The following ERAL1 variants were observed in gnomAD, a reference collection of about 807,000 sequenced individuals.
ERAL1 encodes the protein Era like 12S mitochondrial rRNA chaperone 1.
ERAL1 carries 36 observed loss-of-function variants against 53.6 expected under a neutral mutation model. The ratio of observed to expected loss-of-function variants is 0.67; its 90% confidence interval spans 0.51 to 0.89. ERAL1 has a LOEUF of 0.89. Ranked by LOEUF, ERAL1 falls within the 40% of genes least tolerant of loss-of-function variation. ERAL1 has a pLI of 0.00. For missense variants in ERAL1, 512 were observed against 537.5 expected (o/e 0.95, Z 0.47); for synonymous variants, 215 against 211.8 (o/e 1.02, Z -0.13).
intron 8 of ERAL1, 39 bp from the exon 9 acceptor site, chr17:28,859,164 C>G (rs2039277596): frequency 6.2e-7 from 1 of 1,613,576 alleles, no homozygotes. Context: ...CACCTCTACC[C>G]AGGTGTATGA....
chr17:28,860,335 G>A, intron 9 of ERAL1, 96 bp from the exon 10 acceptor site: 1 of 1,454,410 alleles, frequency 6.9e-7, no homozygotes, highest in South Asian at 1.2e-5. Flanking sequence ...TCAAACTCCT[G>A]TGCTCAAAGG....
At chr17:28,856,161 A>C in intron 1 of ERAL1, 103 bp from the exon 2 acceptor site, 1 of 1,429,660 alleles carries the variant, frequency 7.0e-7, no homozygotes. Flanking sequence ...AACCTGGTGC[A>C]CTAATTTTGT....
At chr17:28,856,714 CTTT>C (rs372784089) in intron 3 of ERAL1, 132 bp downstream of exon 3, 1,347 of 596,066 alleles carry the variant, frequency 2.3e-3, no homozygotes, top group East Asian at 3.0e-3. Context: ...TTTTCTTTTT[CTTT>C]TTTTTTTTTT....
rs2039274452 is a variant in ERAL1, at chr17:28,858,944, T to C, written c.961-20T>C. 7 of 1,613,866 alleles carry C rather than the reference T, an allele frequency of 4.3e-6. 1 individual carries two copies. In the East Asian group the frequency reaches 1.6e-4, roughly 36 times the overall value. On this transcript the variant is annotated intron_variant, in intron 7 of 9. Transcript: ENST00000254928. ...CCTGGTTGGGATTAAGATGCCCATC[T>C]ATTCCCTCTGTTCCCACAGCAATAC... is the stretch of plus-strand genomic sequence containing the variant.
Position 28,858,354 on chromosome 17 carries a change from C to T in ERAL1, c.599-20C>T, listed in dbSNP as rs1441007325. The T allele has an allele frequency of 6.2e-7, 1 of 1,613,502 alleles. No homozygotes were observed. The highest frequency in any genetic ancestry group is 1.1e-5 in the South Asian group (1 of 91,074). ...GAGTGACCATTTCCTTTTCCTTCTT[C>T]CTGCCTTGCCATCTTCTAGTTGTGG... is the stretch of plus-strand genomic sequence containing the variant. On this transcript the variant is annotated intron_variant, in intron 5 of 9. Coordinates refer to ENST00000254928, the MANE Select transcript of ERAL1 (RefSeq NM_005702.4).
chr17:28,855,351 C>A (rs1000857312), intron 1 of ERAL1, 34 bp downstream of exon 1: 10 of 1,527,446 alleles, frequency 6.5e-6, no homozygotes, highest in African/African-American at 1.4e-5. Flanking sequence ...TCGGAACTGT[C>A]ATGTTTTTAG....
At chr17:28,857,909 G>T in intron 3 of ERAL1, 30 bp from the exon 4 acceptor site, 1 of 1,613,748 alleles carries the variant, frequency 6.2e-7, no homozygotes, top group Non-Finnish European at 8.5e-7. Context: ...TTTCTCCTGG[G>T]GTCTGGGTAT....
chr17:28,855,079 G>T lies in ERAL1; in HGVS notation c.45G>T (p.Val15=). Residue 15 remains valine (V), a synonymous_variant, in exon 1 of 10, where the codon GTG becomes GTT. Coordinates refer to ENST00000254928, the MANE Select transcript of ERAL1 (RefSeq NM_005702.4). ...GCGGGGCTAGGCTTGTTCAATCGGTGTTAAGAGTCTGGCAGGTGGGCCCTC... is the reference window on the plus strand; with the variant it reads ...GCGGGGCTAGGCTTGTTCAATCGGTTTTAAGAGTCTGGCAGGTGGGCCCTC... ...SWRGARLVQS[V]LRVWQVGPHV... 6.2e-7 allele frequency: 1 copy of T among 1,614,028 alleles called. No homozygotes were observed. Among genetic ancestry groups the T allele is most frequent in the Non-Finnish European group, 8.5e-7 (1 of 1,179,926 alleles).
chr17:28,857,209 G>A (rs2039255746), intron 3 of ERAL1, among the ~76,000 whole-genome samples: 1 of 150,588 alleles, frequency 6.6e-6, no homozygotes, highest in Non-Finnish European at 1.5e-5. Flanking sequence ...CCGGGTTTAA[G>A]CAGTTCTCCT....
At position 28,856,306 on chromosome 17, in the gene ERAL1, A is replaced by T; in HGVS notation, c.326A>T (p.Glu109Val). The T allele has an allele frequency of 6.2e-7, 1 of 1,614,176 alleles. No individual in the cohort carries two copies. The highest frequency in any genetic ancestry group is 8.5e-7 in the Non-Finnish European group (1 of 1,180,024). ...VLLVHHPDMP[E>V]NSRVLRVVLL... is the part of the protein sequence containing the mutation. ...TTGGTCCATCACCCTGATATGCCTG[A>T]GAATTCCCGGGTCCTACGAGTGGTC... The change falls in exon 2 of 10, where the codon GAG becomes GTG. Residue 109 changes from glutamate (E) to valine (V), a missense_variant. Glu to Val is a moderately radical substitution (Grantham distance 121, BLOSUM62 -2). Coordinates refer to ENST00000254928, the MANE Select transcript of ERAL1 (RefSeq NM_005702.4).
intron 7 of ERAL1, 25 bp downstream of exon 7, chr17:28,858,849 G>A (rs1188255308): frequency 6.2e-7 from 1 of 1,613,828 alleles, no homozygotes; most frequent in African/African-American, 1.3e-5. Flanking sequence ...GCCATAGCCT[G>A]GCCCTTGGTT....
At chr17:28,858,267 T>G (rs2039265559) in intron 5 of ERAL1, 60 bp downstream of exon 5, 21 of 1,610,950 alleles carry the variant, frequency 1.3e-5, no homozygotes, top group Non-Finnish European at 1.8e-5. Context: ...TTTCATTCCT[T>G]GGTAGTTTGG....
At position 28,859,013 on chromosome 17, in the gene ERAL1, C is replaced by T. The variant is rs771442717; in HGVS notation, c.1010C>T (p.Ala337Val). 1.2e-6 allele frequency: 2 copies of T among 1,614,160 alleles called. No homozygotes were observed. The highest frequency in any genetic ancestry group is 2.2e-5 in the East Asian group (1 of 44,884). ...AQPGPWEYHSAVLTSQTPEEI... is the reference protein window; with the variant it reads ...AQPGPWEYHSVVLTSQTPEEI... ...CCAGGGCCCTGGGAGTACCACAGTGCAGTCCTCACTAGCCAGACACCAGAA... is the reference window on the plus strand; with the variant it reads ...CCAGGGCCCTGGGAGTACCACAGTGTAGTCCTCACTAGCCAGACACCAGAA... The change falls in exon 8 of 10, where the codon GCA becomes GTA. Residue 337 changes from alanine to valine, a missense_variant. Transcript: ENST00000254928.
chr17:28,859,177 G>GGGT, intron 8 of ERAL1, 26 bp from the exon 9 acceptor site: 1 of 1,614,142 alleles, frequency 6.2e-7, no homozygotes, highest in Non-Finnish European at 8.5e-7. Context: ...GTGTATGACT[G>GGGT]ACTAATCATT....
rs201165120 is a variant in ERAL1, at chr17:28,856,324, G to A, written c.344G>A (p.Arg115Gln). Residue 115 changes from arginine to glutamine, a missense_variant, in exon 2 of 10, where the codon CGA becomes CAA. By Grantham distance (43) the Arg-to-Gln change is conservative. Transcript: ENST00000254928. ...PDMPENSRVL[R>Q]VVLLGAPNAG... Reference sequence around the variant, plus strand: ...ATGCCTGAGAATTCCCGGGTCCTACGAGTGGTCCTCCTGGGAGCCCCGAAT... The same window carrying A: ...ATGCCTGAGAATTCCCGGGTCCTACAAGTGGTCCTCCTGGGAGCCCCGAAT... 1.2e-5 allele frequency: 19 copies of A among 1,614,012 alleles called. No individual in the cohort carries two copies. The highest frequency in any genetic ancestry group is 3.3e-5 in the South Asian group (3 of 91,086).
Position 28,860,223 on chromosome 17 carries a change from C to T in ERAL1, c.1192-208C>T, listed in dbSNP as rs944843145. Among the ~76,000 whole-genome samples, 12 of 152,226 alleles carry T rather than the reference C, an allele frequency of 7.9e-5. No homozygotes were observed. The East Asian group carries it at 9.7e-4, about 12-fold the overall frequency. ...AACTCCTGACCTCAGGTGATCTGCC[C>T]GCCTCAGCCTCCCAAAGTGCTGGGA... On this transcript the variant is annotated intron_variant, in intron 9 of 9. Coordinates refer to ENST00000254928, the MANE Select transcript of ERAL1 (RefSeq NM_005702.4).
intron 1 of ERAL1, among the ~76,000 whole-genome samples, chr17:28,855,792 A>AG (rs1041276598): frequency 4.3e-5 from 3 of 70,462 alleles, no homozygotes; most frequent in African/African-American, 9.0e-5. Context: ...TCCCTCCTTC[A>AG]GGAAAAAAAA....
chr17:28,860,305 C>A (rs2039292282), intron 9 of ERAL1, 126 bp from the exon 10 acceptor site: 2 of 1,092,536 alleles, frequency 1.8e-6, no homozygotes, highest in South Asian at 2.9e-5. Context: ...AGAGGGGTCG[C>A]ACTGTTACCC....
Position 28,858,213 on chromosome 17 carries a change from G to A in ERAL1, c.598+6G>A. ...CATGGAATCTGCTGATCTTGGTTAG[G>A]TTCAGGATGGGAACCTTAAGCCCAG... is the stretch of plus-strand genomic sequence containing the variant. On this transcript the variant is annotated splice_donor_region_variant and intron_variant, in intron 5 of 9. Coordinates refer to ENST00000254928, the MANE Select transcript of ERAL1 (RefSeq NM_005702.4). 6.2e-7 allele frequency: 1 copy of A among 1,613,828 alleles called. No homozygotes were observed. Among genetic ancestry groups the A allele is most frequent in the East Asian group, 2.2e-5 (1 of 44,884 alleles).
Sources: allele counts gnomAD v4.1 joint callset (sites outside exome capture counted in the v4.1 genomes callset), GRCh38; gene constraint gnomAD v4.1.1; transcripts MANE v1.5; gene names NCBI Gene and HGNC (gene_info 2026-07-23, HGNC 2026-07-21).